Variants in MYBPC3 observed in about 807,000 individuals in gnomAD.
MYBPC3 encodes the protein myosin-binding protein C, cardiac-type.
Under a neutral mutation model 159.3 loss-of-function variants are expected in MYBPC3, and 108 were observed. The observed-to-expected ratio is 0.68, with a 90% CI of 0.58 to 0.80. The LOEUF is 0.80. Among genes scored for constraint, MYBPC3 ranks in the 30% least tolerant of loss-of-function variants. The pLI, the probability that MYBPC3 is intolerant of heterozygous loss-of-function variation, is 0.00. For missense variants in MYBPC3, 1,631 were observed against 1,762.1 expected, an observed-to-expected ratio of 0.93 and a Z score of 1.33; for synonymous variants, 730 against 702.0, an observed-to-expected ratio of 1.04 and a Z score of -0.63.
At chr11:47,339,861 G>C in intron 20 of MYBPC3, 71 bp from the exon 21 acceptor site, 1 of 1,525,460 alleles carries the variant, frequency 6.6e-7, no homozygotes, top group Admixed American at 1.9e-5. Context: ...GGGCGGGGCT[G>C]CTCAAGAGCC....
chr11:47,347,738 C>A, intron 7 of MYBPC3, 58 bp from the exon 8 acceptor site: 1 of 1,549,364 alleles, frequency 6.5e-7, no homozygotes, highest in Admixed American at 2.0e-5. Flanking sequence ...TCCCCTGCAG[C>A]CCCCACTGAC....
chr11:47,349,992 G>A (rs1381217952), intron 4 of MYBPC3, 22 bp downstream of exon 4: 1 of 1,559,780 alleles, frequency 6.4e-7, no homozygotes, highest in African/African-American at 1.4e-5. Flanking sequence ...CCCCAATGCT[G>A]GGCACAGCAG....
chr11:47,336,019 G>A lies in MYBPC3; in HGVS notation c.2603-8C>T, dbSNP rs761285077. ...TGGGTTCGCTGGGGGGACCTGGGCA[G>A]AGGAGAGGTCAGAGAGGGGTCTGAG... On this transcript the variant is annotated splice_polypyrimidine_tract_variant and splice_region_variant and intron_variant, in intron 25 of 34. Coordinates refer to ENST00000545968, the MANE Select transcript of MYBPC3 (RefSeq NM_000256.3). 6.6e-7 allele frequency: 1 copy of A among 1,505,136 alleles called. No individual in the cohort carries two copies. Among genetic ancestry groups the A allele is most frequent in the Non-Finnish European group, 8.9e-7 (1 of 1,124,614 alleles). The allele number at this position is 1,505,136 out of a possible 1,614,324, so 93.2% of individuals were successfully genotyped here.
In MYBPC3 at chr11:47,343,629, G is replaced by A. The variant is rs2095891440; in HGVS notation, c.1091-5C>T. On this transcript the variant is annotated splice_region_variant and splice_polypyrimidine_tract_variant and intron_variant, in intron 12 of 34. Coordinates refer to ENST00000545968, the MANE Select transcript of MYBPC3 (RefSeq NM_000256.3). ...GCTCCAGCTTCTTCTGAAAGGCTGA[G>A]CACCACCCCTCAGCCCCGGCCACCC... 6.2e-7 allele frequency: 1 copy of A among 1,607,680 alleles called. No individual in the cohort carries two copies. Among genetic ancestry groups the A allele is most frequent in the Non-Finnish European group, 8.5e-7 (1 of 1,177,562 alleles).
chr11:47,342,721 G>C lies in MYBPC3; in HGVS notation c.1481C>G (p.Thr494Ser), dbSNP rs958553888. Residue 494 changes from threonine to serine, a missense_variant, in exon 17 of 35, where the codon ACC (threonine) becomes AGC (serine). By Grantham distance (58) the Thr-to-Ser change is moderately conservative. Transcript: ENST00000545968. ...VKWLKDGVEL[T>S]REETFKYRFK... ...CCGGTATTTGAAGGTCTCCTCCCGGGTCAGCTCCACCCCGTCCTTCAGCCT... is the reference window on the plus strand; with the variant it reads ...CCGGTATTTGAAGGTCTCCTCCCGGCTCAGCTCCACCCCGTCCTTCAGCCT... The C allele has an allele frequency of 6.2e-7, 1 of 1,614,006 alleles. No homozygotes were observed. The highest frequency in any genetic ancestry group is 1.6e-4 in the Middle Eastern group (1 of 6,062).
intron 17 of MYBPC3, 30 bp downstream of exon 17, chr11:47,342,548 A>T (rs1232519850): frequency 6.5e-7 from 1 of 1,538,328 alleles, no homozygotes; most frequent in South Asian, 1.3e-5. Flanking sequence ...CAAGCCCTAA[A>T]GCCTCATGTG....
At position 47,348,469 on chromosome 11, in the gene MYBPC3, T is replaced by C. The variant is rs730880625; in HGVS notation, c.727A>G (p.Thr243Ala). ...TTGGAGCAGTCAAATTTGTCCTTGG[T>C]GGACACCTCACAGCGGTAGCTGCCA... ...FTGSYRCEVS[T>A]KDKFDCSNFN... Residue 243 changes from threonine (T) to alanine (A), a missense_variant, in exon 6 of 35, where the codon ACC becomes GCC. Coordinates refer to ENST00000545968, the MANE Select transcript of MYBPC3 (RefSeq NM_000256.3). The C allele has an allele frequency of 2.5e-6, 4 of 1,613,378 alleles. No homozygotes were observed. In the South Asian group the frequency reaches 3.3e-5, roughly 13 times the overall value.
Position 47,331,893 on chromosome 11 carries a change from G to A in MYBPC3, c.3815-12C>T, listed in dbSNP as rs764320767. 1.6e-5 allele frequency: 25 copies of A among 1,610,140 alleles called. No homozygotes were observed. The highest frequency in any genetic ancestry group is 2.0e-5 in the Non-Finnish European group (24 of 1,178,574). On this transcript the variant is annotated splice_polypyrimidine_tract_variant and intron_variant, in intron 33 of 34. Coordinates refer to ENST00000545968, the MANE Select transcript of MYBPC3 (RefSeq NM_000256.3). Reference sequence around the variant, plus strand: ...TGGTCACTGAGGCACTGCAGAAGAGGAGGCCATGTCACTGTGTCCTCCCAG... The same window carrying A: ...TGGTCACTGAGGCACTGCAGAAGAGAAGGCCATGTCACTGTGTCCTCCCAG...
chr11:47,341,193 GT>G lies in MYBPC3; in HGVS notation c.1841del (p.Tyr614SerfsTer49). 4 of 1,594,270 alleles carry G rather than the reference GT, an allele frequency of 2.5e-6. No individual in the cohort carries two copies. The highest frequency in any genetic ancestry group is 1.7e-5 in the Admixed American group (1 of 57,380). ...AGGCGAAGCCCTCGGGCACAAAGCT[GT>G]AGTCAGCCTCGTCGGCAGGTGTGAC... ...DDVTPADEAD[Y>X]SFVPEGFACN... On this transcript the variant is annotated frameshift_variant, in exon 19 of 35. Coordinates refer to ENST00000545968, the MANE Select transcript of MYBPC3 (RefSeq NM_000256.3). LOFTEE classifies it high-confidence loss of function.
At position 47,348,417 on chromosome 11, in the gene MYBPC3, C is replaced by G; in HGVS notation, c.772+7G>C. On this transcript the variant is annotated splice_region_variant and intron_variant, in intron 6 of 34. Coordinates refer to ENST00000545968, the MANE Select transcript of MYBPC3 (RefSeq NM_000256.3). Reference sequence around the variant, plus strand: ...CGAGCCCAGGACAGACACCAGGGCCCCCTCACCGTGGACAGTGAGATTGAA... The same window carrying G: ...CGAGCCCAGGACAGACACCAGGGCCGCCTCACCGTGGACAGTGAGATTGAA... 1 of 1,596,258 alleles carries G rather than the reference C, an allele frequency of 6.3e-7. No homozygotes were observed. The highest frequency in any genetic ancestry group is 1.1e-5 in the South Asian group (1 of 89,712).
chr11:47,341,090 G>A (rs773319680), intron 19 of MYBPC3, 48 bp downstream of exon 19: 1 of 1,565,566 alleles, frequency 6.4e-7, no homozygotes, highest in Non-Finnish European at 8.7e-7. Context: ...AGTGACAGGG[G>A]CTCCTGGCCC....
chr11:47,337,169 G>A (rs1595843458), intron 25 of MYBPC3, among the ~76,000 whole-genome samples: 1 of 152,234 alleles, frequency 6.6e-6, no homozygotes, highest in South Asian at 2.1e-4. Flanking sequence ...CGTAGTGTGA[G>A]AGTCAGCTCC....
Position 47,351,189 on chromosome 11 carries a change from G to GC in MYBPC3, c.292+49dup, listed in dbSNP as rs2095900455. 1 of 1,449,130 alleles carries GC rather than the reference G, an allele frequency of 6.9e-7. No homozygotes were observed. The highest frequency in any genetic ancestry group is 2.4e-5 in the Admixed American group (1 of 42,118). 89.8% of individuals were successfully genotyped at this position (1,449,130 alleles called of 1,614,324 possible). ...TGGATGGATGGAGAGTCGCTGGGCT[G>GC]CCCCTCCCCCAGCAGCCCAAACCTC... On this transcript the variant is annotated intron_variant, in intron 2 of 34. Coordinates refer to ENST00000545968, the MANE Select transcript of MYBPC3 (RefSeq NM_000256.3). The surrounding 1 kb of genome is among the most constrained non-coding windows in gnomAD (Gnocchi z 4.2).
At chr11:47,337,637 C>T (rs1327247357) in intron 24 of MYBPC3, 53 bp downstream of exon 24, 9 of 1,610,652 alleles carry the variant, frequency 5.6e-6, no homozygotes, top group Middle Eastern at 3.3e-4. Flanking sequence ...ACACCACCTT[C>T]CCTCGGATCT....
At position 47,337,793 on chromosome 11, in the gene MYBPC3, G is replaced by T. The variant is rs397515959; in HGVS notation, c.2310C>A (p.Asp770Glu). 2 of 1,550,638 alleles carry T rather than the reference G, an allele frequency of 1.3e-6. No individual in the cohort carries two copies. The highest frequency in any genetic ancestry group is 2.7e-5 in the African/African-American group (2 of 73,026). The change falls in exon 24 of 35, where the codon GAC (aspartate) becomes GAA (glutamate). Residue 770 changes from aspartate (D) to glutamate (E), a missense_variant and splice_region_variant. Asp to Glu is a conservative substitution (Grantham distance 45). Transcript: ENST00000545968. ...DQVNLTVKVI[D>E]VPDAPAAPKI... The stretch of plus-strand genomic sequence containing the variant: ...TGGGGGCCGCAGGTGCGTCTGGCAC[G>T]TCTGGATGGGGTGGGATGGACCCAC...
intron 21 of MYBPC3, 69 bp downstream of exon 21, chr11:47,339,582 G>C: frequency 6.6e-7 from 1 of 1,508,352 alleles, no homozygotes; most frequent in Non-Finnish European, 8.9e-7. Context: ...TGTGCAGCAG[G>C]TCCTAGCACT....
intron 12 of MYBPC3, among the ~76,000 whole-genome samples, chr11:47,345,321 C>T (rs971550410): frequency 6.6e-6 from 1 of 152,140 alleles, no homozygotes; most frequent in South Asian, 2.1e-4. Flanking sequence ...GGCCACCTAG[C>T]GATGGGGTGA....
Position 47,338,753 on chromosome 11 carries a change from A to G in MYBPC3, c.2149-74T>C. 1.3e-6 allele frequency: 2 copies of G among 1,483,788 alleles called. No homozygotes were observed. Among genetic ancestry groups the G allele is most frequent in the Non-Finnish European group, 1.8e-6 (2 of 1,111,982 alleles). 91.9% of individuals were successfully genotyped at this position (1,483,788 alleles called of 1,614,324 possible). On this transcript the variant is annotated intron_variant, in intron 22 of 34. Coordinates refer to ENST00000545968, the MANE Select transcript of MYBPC3 (RefSeq NM_000256.3). The surrounding 1 kb of genome is among the most constrained non-coding windows in gnomAD (Gnocchi z 4.7). ...CCTTGCAGCCTCCGCCAACAGCCAG[A>G]TGTCCCGGGGGTCCATGGGGGGAAC...
At position 47,342,933 on chromosome 11, in the gene MYBPC3, G is replaced by A; in HGVS notation, c.1354C>T (p.Pro452Ser). The A allele has an allele frequency of 6.2e-7, 1 of 1,610,046 alleles. No individual in the cohort carries two copies. The highest frequency in any genetic ancestry group is 2.2e-5 in the East Asian group (1 of 44,740). ...AAGGGGCGCGTGATGAGCACAGGGG[G>A]CTCTGTCCAGGCAGGGTGAGCATGA... ...KCSTELFVKE[P>S]PVLITRPLED... Residue 452 changes from proline to serine, a missense_variant and splice_region_variant, in exon 16 of 35, where the codon CCC (proline) becomes TCC (serine). Physicochemically the swap from Pro to Ser is moderately conservative, Grantham distance 74. Coordinates refer to ENST00000545968, the MANE Select transcript of MYBPC3 (RefSeq NM_000256.3).
Sources: gnomAD v4.1 joint callset for allele counts (sites outside exome capture counted in the v4.1 genomes callset) on GRCh38, gnomAD v4.1.1 for gene constraint, Gnocchi (gnomAD v3.1) non-coding constraint, MANE v1.5 for transcripts, NCBI Gene and HGNC (gene_info 2026-07-23, HGNC 2026-07-21) for gene names.